COL24A1: variants seen among roughly 807,000 people sequenced by gnomAD.
COL24A1 encodes the protein collagen type XXIV alpha 1 chain.
COL24A1 carries 224 observed loss-of-function variants against 253.9 expected under a neutral mutation model. The ratio of observed to expected loss-of-function variants is 0.88; its 90% CI spans 0.79 to 0.99. The LOEUF (loss-of-function observed/expected upper bound fraction) is 0.99, where lower values mean the gene tolerates loss of function less well. Among genes scored for constraint, COL24A1 ranks in the 50% least tolerant of loss-of-function variants. The probability of loss-of-function intolerance (pLI) is 0.00; values close to 1 mark genes in which losing one functional copy is unlikely to be tolerated. For missense variants in COL24A1, 2,131 were observed against 2,068.5 expected, an observed-to-expected ratio of 1.03 and a Z score of -0.59; for synonymous variants, 685 against 673.7, an observed-to-expected ratio of 1.02 and a Z score of -0.26.
chr1:85,807,539 G>A (rs1297579037), intron 47 of COL24A1, among the ~76,000 whole-genome samples: 1 of 152,146 alleles, frequency 6.6e-6, no homozygotes, highest in Non-Finnish European at 1.5e-5. Flanking sequence ...GAACATAGGA[G>A]ACATAGGAAT....
chr1:86,057,974 C>T lies in COL24A1; in HGVS notation c.1808G>A (p.Gly603Asp), dbSNP rs1377610460. Reference sequence around the variant, plus strand: ...TGGATTACCTTCTGGTCCAGCTAAACCCTGGTGTAAACAAAAGACATTGTC... The same window carrying T: ...TGGATTACCTTCTGGTCCAGCTAAATCCTGGTGTAAACAAAAGACATTGTC... ...IGSPGYPGRQGLAGPEGNPGP... is the reference protein window; with the variant it reads ...IGSPGYPGRQDLAGPEGNPGP... The change falls in exon 10 of 60, where the codon GGT becomes GAT. Residue 603 changes from glycine to aspartate, a missense_variant and splice_region_variant. Coordinates refer to ENST00000370571, the MANE Select transcript of COL24A1 (RefSeq NM_152890.7). The T allele has an allele frequency of 6.2e-7, 1 of 1,612,538 alleles. No individual in the cohort carries two copies.
chr1:86,152,214 T>C (rs1440939433), intron 1 of COL24A1, among the ~76,000 whole-genome samples: 2 of 152,176 alleles, frequency 1.3e-5, no homozygotes, highest in Non-Finnish European at 2.9e-5. Context: ...GTGGTAGTTA[T>C]ATAGCTAAAC....
intron 32 of COL24A1, among the ~76,000 whole-genome samples, chr1:85,886,800 G>A (rs1374505179): frequency 6.6e-6 from 1 of 151,938 alleles, no homozygotes; most frequent in African/African-American, 2.4e-5. Context: ...CTTCATTAAG[G>A]TGGATAATTC....
intron 10 of COL24A1, among the ~76,000 whole-genome samples, chr1:86,050,816 GATACAT>G (rs765540425): frequency 3.9e-4 from 59 of 152,166 alleles, no homozygotes; most frequent in Middle Eastern, 3.4e-3. Flanking sequence ...AGAAACAAGG[GATACAT>G]ATAAATAACA....
chr1:85,845,879 G>T (rs2102291721), intron 39 of COL24A1, among the ~76,000 whole-genome samples: 1 of 151,928 alleles, frequency 6.6e-6, no homozygotes, highest in South Asian at 2.1e-4. Context: ...GGTGTTTATA[G>T]AAAGATTCAG....
chr1:86,088,723 C>T (rs1467731292), intron 7 of COL24A1, among the ~76,000 whole-genome samples: 1 of 152,012 alleles, frequency 6.6e-6, no homozygotes, highest in Non-Finnish European at 1.5e-5. Flanking sequence ...AAATGAGAAC[C>T]CCTTAACAAA....
At chr1:85,878,255 T>C (rs899660752) in intron 32 of COL24A1, among the ~76,000 whole-genome samples, 42 of 152,218 alleles carry the variant, frequency 2.8e-4, no homozygotes, top group African/African-American at 1.0e-3. Context: ...GCTGGCAGAT[T>C]CAGTGTCTGG....
intron 8 of COL24A1, among the ~76,000 whole-genome samples, chr1:86,063,222 T>C (rs1701220670): frequency 6.7e-6 from 1 of 149,162 alleles, no homozygotes; most frequent in Non-Finnish European, 1.5e-5. Context: ...ATGATATATG[T>C]ACCATTCTAA....
chr1:85,741,309 C>T (rs1664617616), intron 57 of COL24A1, among the ~76,000 whole-genome samples: 1 of 151,976 alleles, frequency 6.6e-6, no homozygotes, highest in South Asian at 2.1e-4. Context: ...GTGTGCTGGG[C>T]ACTGCATTTT....
At chr1:85,939,139 C>T (rs991274680) in intron 24 of COL24A1, among the ~76,000 whole-genome samples, 2 of 152,082 alleles carry the variant, frequency 1.3e-5, no homozygotes, top group Non-Finnish European at 2.9e-5. Flanking sequence ...TTATATACAG[C>T]CACTCAGAGT....
chr1:86,005,312 T>C lies in COL24A1; in HGVS notation c.2310+11839A>G, dbSNP rs536381074. ...ATCTTGTCAAGAAGACATTGAACAT[T>C]CACAAAAGGTGAACATATATTAGGT... On this transcript the variant is annotated intron_variant, in intron 19 of 59. Coordinates refer to ENST00000370571, the MANE Select transcript of COL24A1 (RefSeq NM_152890.7). Among the ~76,000 whole-genome samples the C allele has an allele frequency of 1.2e-3, 182 of 151,970 alleles. 3 individuals carry two copies. Among genetic ancestry groups the C allele is most frequent in the Middle Eastern group, 6.8e-3 (2 of 294 alleles).
intron 19 of COL24A1, among the ~76,000 whole-genome samples, chr1:86,005,336 GT>G (rs201571133): frequency 6.6e-6 from 1 of 151,098 alleles, no homozygotes; most frequent in Non-Finnish European, 1.5e-5. Context: ...CATATATTAG[GT>G]AAAAAAGAAA....
chr1:86,053,029 T>C (rs1164796662), intron 10 of COL24A1, among the ~76,000 whole-genome samples: 1 of 152,072 alleles, frequency 6.6e-6, no homozygotes, highest in Non-Finnish European at 1.5e-5. Context: ...TTTAATAAAG[T>C]GAAACATCTA....
chr1:85,873,404 C>T (rs1216656174), intron 35 of COL24A1, among the ~76,000 whole-genome samples: 1 of 152,144 alleles, frequency 6.6e-6, no homozygotes, highest in African/African-American at 2.4e-5. Context: ...TTTATTGTGG[C>T]ACTATTCACT....
At chr1:86,132,794 T>C (rs1026056285) in intron 2 of COL24A1, among the ~76,000 whole-genome samples, 16 of 152,162 alleles carry the variant, frequency 1.1e-4, no homozygotes, top group African/African-American at 3.9e-4. Flanking sequence ...TGAAGTCAGG[T>C]AGTGTGATGC....
chr1:86,075,167 A>G (rs932068150), intron 7 of COL24A1, among the ~76,000 whole-genome samples: 1 of 152,194 alleles, frequency 6.6e-6, no homozygotes, highest in Non-Finnish European at 1.5e-5. Context: ...AGAAGAAAAG[A>G]GAGAAGAATC....
chr1:85,776,303 C>G (rs1296752370), intron 52 of COL24A1, among the ~76,000 whole-genome samples: 2 of 151,888 alleles, frequency 1.3e-5, no homozygotes, highest in Admixed American at 6.6e-5. Flanking sequence ...GAGAATATAC[C>G]TTCTATGACC....
chr1:85,870,070 T>C (rs183771928), intron 35 of COL24A1, among the ~76,000 whole-genome samples: 2 of 152,222 alleles, frequency 1.3e-5, no homozygotes, highest in Admixed American at 1.3e-4. Context: ...AAAAAGACTT[T>C]AAACCAACAA....
chr1:86,127,681 AAT>A (rs889455166), intron 2 of COL24A1, among the ~76,000 whole-genome samples: 5 of 91,170 alleles, frequency 5.5e-5, no homozygotes, highest in African/African-American at 1.7e-4. Flanking sequence ...AAGTGAAAAA[AAT>A]AAAAGTCTTT....
Sources: allele counts gnomAD v4.1 joint callset (sites outside exome capture counted in the v4.1 genomes callset), GRCh38; gene constraint gnomAD v4.1.1; transcripts MANE v1.5; gene names NCBI Gene and HGNC (gene_info 2026-07-23, HGNC 2026-07-21).